CPA6: variants seen among roughly 807,000 people sequenced by gnomAD.
CPA6 encodes carboxypeptidase A6, also known as carboxypeptidase B.
Under a neutral mutation model 63.3 loss-of-function variants are expected in CPA6, and 58 were observed. That is an observed-to-expected ratio of 0.92 (90% CI 0.74 to 1.14). CPA6 has a LOEUF of 1.14. Ranked by LOEUF, CPA6 falls within the 50% of genes most tolerant of loss-of-function variation. CPA6 has a pLI of 0.00. For synonymous variants in CPA6, 185 were observed against 179.0 expected (o/e 1.03, Z -0.27); for missense variants, 565 against 526.6 (o/e 1.07, Z -0.71).
At chr8:67,510,891 A>G (rs1812029864) in intron 4 of CPA6, among the ~76,000 whole-genome samples, 1 of 152,238 alleles carries the variant, frequency 6.6e-6, no homozygotes, top group Non-Finnish European at 1.5e-5. Context: ...TGTGATAGGT[A>G]TCACATCCTT....
intron 1 of CPA6, among the ~76,000 whole-genome samples, chr8:67,738,811 A>T (rs1817861730): frequency 6.6e-6 from 1 of 152,240 alleles, no homozygotes; most frequent in Admixed American, 6.5e-5. Context: ...CTGATCGAGA[A>T]GCCATTAATT....
intron 8 of CPA6, among the ~76,000 whole-genome samples, chr8:67,446,279 AG>A (rs1810413963): frequency 6.6e-6 from 1 of 151,488 alleles, no homozygotes; most frequent in Non-Finnish European, 1.5e-5. Flanking sequence ...AAAAAAAAAA[AG>A]TAGTCATTTG....
chr8:67,663,663 G>T (rs1012588266), intron 1 of CPA6, among the ~76,000 whole-genome samples: 1 of 152,084 alleles, frequency 6.6e-6, no homozygotes, highest in African/African-American at 2.4e-5. Flanking sequence ...GGGGATAATG[G>T]CTTCCAGCTC....
At chr8:67,743,359 CA>C (rs1043738554) in intron 1 of CPA6, among the ~76,000 whole-genome samples, 1 of 151,592 alleles carries the variant, frequency 6.6e-6, no homozygotes, top group African/African-American at 2.4e-5. Context: ...ACTATATACC[CA>C]ATATATATTT....
At chr8:67,697,910 A>G (rs2128998227) in intron 1 of CPA6, among the ~76,000 whole-genome samples, 1 of 152,330 alleles carries the variant, frequency 6.6e-6, no homozygotes, top group Non-Finnish European at 1.5e-5. Flanking sequence ...TTTTATGCAC[A>G]CAAAAATCTT....
At chr8:67,631,035 C>G (rs941849474) in intron 1 of CPA6, among the ~76,000 whole-genome samples, 4 of 152,198 alleles carry the variant, frequency 2.6e-5, no homozygotes, top group East Asian at 3.9e-4. Context: ...CCAAGCCTCC[C>G]CAACATGCGC....
chr8:67,524,240 T>A (rs1812316961), intron 2 of CPA6, among the ~76,000 whole-genome samples: 1 of 152,216 alleles, frequency 6.6e-6, no homozygotes, highest in African/African-American at 2.4e-5. Context: ...TTCATAGAAT[T>A]TTTTTTCACA....
At chr8:67,572,811 G>A (rs553254785) in intron 2 of CPA6, among the ~76,000 whole-genome samples, 1 of 152,250 alleles carries the variant, frequency 6.6e-6, no homozygotes, top group East Asian at 1.9e-4. Context: ...TGACACCAAG[G>A]CCGGACAAAA....
intron 6 of CPA6, among the ~76,000 whole-genome samples, chr8:67,492,054 C>T (rs1302734362): frequency 1.3e-5 from 2 of 152,098 alleles, no homozygotes; most frequent in Non-Finnish European, 2.9e-5. Flanking sequence ...AATTGTCCAA[C>T]TAAGGTGAAA....
chr8:67,568,204 A>C (rs1813391338), intron 2 of CPA6, among the ~76,000 whole-genome samples: 1 of 152,222 alleles, frequency 6.6e-6, no homozygotes, highest in Admixed American at 6.5e-5. Context: ...GGCTTTCTCT[A>C]TAAAGCCATA....
chr8:67,463,313 G>A (rs1250883098), intron 8 of CPA6, among the ~76,000 whole-genome samples: 1 of 151,980 alleles, frequency 6.6e-6, no homozygotes, highest in Non-Finnish European at 1.5e-5. Flanking sequence ...GTGTGGTGGT[G>A]CACACTTGTA....
intron 2 of CPA6, among the ~76,000 whole-genome samples, chr8:67,620,862 G>T (rs770132030): frequency 6.6e-6 from 1 of 152,160 alleles, no homozygotes; most frequent in African/African-American, 2.4e-5. Flanking sequence ...CTTTAGAAAG[G>T]CCTGCTTGTA....
intron 8 of CPA6, among the ~76,000 whole-genome samples, chr8:67,479,963 C>A (rs992875882): frequency 1.3e-5 from 2 of 151,504 alleles, no homozygotes; most frequent in Non-Finnish European, 2.9e-5. Context: ...GAACAGCCCC[C>A]GGCTCCACTT....
chr8:67,698,480 T>C (rs1223125742), intron 1 of CPA6, among the ~76,000 whole-genome samples: 1 of 152,200 alleles, frequency 6.6e-6, no homozygotes, highest in African/African-American at 2.4e-5. Context: ...CTTTGGGATA[T>C]TATTGTGTGC....
At chr8:67,694,891 T>G (rs561585248) in intron 1 of CPA6, among the ~76,000 whole-genome samples, 5 of 152,148 alleles carry the variant, frequency 3.3e-5, no homozygotes, top group Middle Eastern at 3.4e-3. Context: ...TCCAGACGTG[T>G]GATTATATAC....
At chr8:67,495,598 C>T (rs1332822779) in intron 6 of CPA6, among the ~76,000 whole-genome samples, 3 of 152,076 alleles carry the variant, frequency 2.0e-5, no homozygotes, top group African/African-American at 7.2e-5. Flanking sequence ...TGGGTTCTTT[C>T]TCCTTCCTTT....
At chr8:67,712,574 G>A (rs1587721201) in intron 1 of CPA6, among the ~76,000 whole-genome samples, 1 of 152,060 alleles carries the variant, frequency 6.6e-6, no homozygotes. Context: ...TCCTCATAAG[G>A]GATATGAGAA....
chr8:67,718,524 T>A (rs922920004), intron 1 of CPA6, among the ~76,000 whole-genome samples: 2 of 152,198 alleles, frequency 1.3e-5, no homozygotes, highest in Non-Finnish European at 2.9e-5. Flanking sequence ...TTTCATTTGG[T>A]GACTCAGAAA....
intron 2 of CPA6, among the ~76,000 whole-genome samples, chr8:67,550,069 A>G (rs2380416): frequency 0.59 from 89,538 of 152,038 alleles, 28,328 homozygotes; most frequent in East Asian, 0.72. Flanking sequence ...TTAGATTTGG[A>G]GCTACATGTG....
Sources: allele counts gnomAD v4.1 joint callset (sites outside exome capture counted in the v4.1 genomes callset), GRCh38; gene constraint gnomAD v4.1.1; transcripts MANE v1.5; gene names NCBI Gene and HGNC (gene_info 2026-07-23, HGNC 2026-07-21).